Variants in TCTN2 observed in about 807,000 individuals in gnomAD.
The protein encoded by TCTN2 is tectonic-2.
TCTN2 carries 66 observed loss-of-function variants against 83.4 expected under a neutral mutation model. The observed-to-expected ratio is 0.79, with a 90% CI of 0.65 to 0.97. TCTN2 has a LOEUF of 0.97. Among genes scored for constraint, TCTN2 ranks in the 50% least tolerant of loss-of-function variants. TCTN2 has a pLI of 0.00. For synonymous variants in TCTN2, 301 were observed against 326.7 expected (o/e 0.92, Z 0.85); for missense variants, 794 against 858.1 (o/e 0.93, Z 0.93).
intron 6 of TCTN2, among the ~76,000 whole-genome samples, 192 bp from the exon 7 acceptor site, chr12:123,687,859 G>A (rs553362148): frequency 2.6e-5 from 4 of 151,902 alleles, no homozygotes; most frequent in Non-Finnish European, 5.9e-5. Flanking sequence ...GCTTACTCGG[G>A]AGACTGAGGC....
intron 5 of TCTN2, among the ~76,000 whole-genome samples, chr12:123,684,710 T>G (rs888563279): frequency 1.3e-5 from 2 of 152,056 alleles, no homozygotes; most frequent in Admixed American, 1.3e-4. Context: ...AATATTGTGA[T>G]TTTTACACTA....
intron 12 of TCTN2, 79 bp from the exon 13 acceptor site, chr12:123,697,008 G>A: frequency 8.5e-7 from 1 of 1,173,654 alleles, no homozygotes; most frequent in South Asian, 1.2e-5. Flanking sequence ...ACTGTTTTCT[G>A]TTTTTCACGG....
intron 3 of TCTN2, 130 bp downstream of exon 3, chr12:123,672,262 T>A (rs117988962): frequency 0.016 from 13,878 of 893,726 alleles, 155 homozygotes; most frequent in Non-Finnish European, 0.019. Context: ...TGTGGGCTGT[T>A]GGATCTGGTA....
At chr12:123,684,912 T>G (rs530475348) in intron 5 of TCTN2, among the ~76,000 whole-genome samples, 36 of 151,764 alleles carry the variant, frequency 2.4e-4, no homozygotes, top group Admixed American at 1.2e-3. Flanking sequence ...TAGCGGGGTA[T>G]GTTGGTGGGT....
chr12:123,686,298 C>A (rs1238025954), intron 5 of TCTN2, among the ~76,000 whole-genome samples: 1 of 152,154 alleles, frequency 6.6e-6, no homozygotes, highest in East Asian at 1.9e-4. Context: ...CCACCTGCCT[C>A]GGCCTCCCAA....
At chr12:123,680,813 G>A (rs553333018) in intron 5 of TCTN2, among the ~76,000 whole-genome samples, 35 of 151,834 alleles carry the variant, frequency 2.3e-4, no homozygotes, top group Non-Finnish European at 4.1e-4. Flanking sequence ...CACTGCACTG[G>A]GCCTAAATTC....
At chr12:123,691,397 A>C (rs116400687) in intron 8 of TCTN2, among the ~76,000 whole-genome samples, 14 of 152,128 alleles carry the variant, frequency 9.2e-5, no homozygotes, top group Non-Finnish European at 1.8e-4. Context: ...AGAATCATAC[A>C]CTATGTGGCC....
At chr12:123,706,612 C>A (rs533588000) in intron 15 of TCTN2, 114 bp from the exon 16 acceptor site, 2 of 1,532,252 alleles carry the variant, frequency 1.3e-6, no homozygotes, top group Non-Finnish European at 1.8e-6. Flanking sequence ...AGGTAGAATG[C>A]GAAACTTCTT....
chr12:123,692,739 CT>C lies in TCTN2; in HGVS notation c.1099+19del. On this transcript the variant is annotated intron_variant, in intron 9 of 17. Transcript: ENST00000303372. ...ACCAATACAGGTATTTAATGTTACA[CT>C]TTGACGTCATTTCTTCAGAAACAGA... 2 of 1,590,916 alleles carry C rather than the reference CT, an allele frequency of 1.3e-6. No homozygotes were observed. The highest frequency in any genetic ancestry group is 1.7e-6 in the Non-Finnish European group (2 of 1,159,356).
chr12:123,698,268 C>T lies in TCTN2; in HGVS notation c.1505+1070C>T, dbSNP rs1956133498. ...TGTTAGTCAGGCTGGTCTTGAACTC[C>T]TGACCTCAGGTGATCTGCCCTCCTC... On this transcript the variant is annotated intron_variant, in intron 13 of 17. Transcript: ENST00000303372. 2.0e-5 allele frequency among the ~76,000 whole-genome samples: 3 copies of T among 151,964 alleles called. No homozygotes were observed. The East Asian group carries it at 5.8e-4, about 29-fold the overall frequency.
chr12:123,688,142 A>T lies in TCTN2; in HGVS notation c.856A>T (p.Met286Leu), dbSNP rs562351608. The T allele has an allele frequency of 3.1e-6, 5 of 1,612,952 alleles. 1 individual carries two copies. The South Asian group carries it at 5.5e-5, about 18-fold the overall frequency. ...DFGYKQGDPI[M>L]TVKKAYFTIP... ...TGGTTACAAACAAGGAGATCCCATTATGACTGTAAAGAAGGCATATTTTAC... is the reference window on the plus strand; with the variant it reads ...TGGTTACAAACAAGGAGATCCCATTTTGACTGTAAAGAAGGCATATTTTAC... Residue 286 changes from methionine to leucine, a missense_variant, in exon 7 of 18, where the codon ATG (methionine) becomes TTG (leucine). Met to Leu is a conservative substitution (Grantham distance 15). Transcript: ENST00000303372.
In TCTN2 at chr12:123,673,595, C is replaced by T; in HGVS notation, c.268-20C>T. 1 of 1,613,330 alleles carries T rather than the reference C, an allele frequency of 6.2e-7. No homozygotes were observed. The highest frequency in any genetic ancestry group is 8.5e-7 in the Non-Finnish European group (1 of 1,179,290). On this transcript the variant is annotated intron_variant, in intron 3 of 17. Coordinates refer to ENST00000303372, the MANE Select transcript of TCTN2 (RefSeq NM_024809.5). ...CCTGTTTTGAGTCACTTTAAAAATA[C>T]AGCAATGTTTTCCTTTCAGAAGGTG...
chr12:123,695,386 C>A, intron 11 of TCTN2, 89 bp downstream of exon 11: 1 of 890,028 alleles, frequency 1.1e-6, no homozygotes, highest in East Asian at 2.4e-5. Context: ...GTAACTCTCT[C>A]CAATTTAGTT....
chr12:123,691,271 G>C (rs984230889), intron 8 of TCTN2, among the ~76,000 whole-genome samples: 1 of 152,102 alleles, frequency 6.6e-6, no homozygotes, highest in Non-Finnish European at 1.5e-5. Flanking sequence ...CATCGCCTCA[G>C]AAGGGCATCT....
intron 4 of TCTN2, among the ~76,000 whole-genome samples, chr12:123,674,340 G>A (rs1470734743): frequency 2.6e-5 from 4 of 151,588 alleles, no homozygotes; most frequent in African/African-American, 4.8e-5. Context: ...TTGTGATCTC[G>A]GCTCACTGCA....
intron 4 of TCTN2, among the ~76,000 whole-genome samples, chr12:123,677,813 A>G (rs1487152580): frequency 2.0e-5 from 3 of 151,568 alleles, no homozygotes; most frequent in African/African-American, 7.3e-5. Context: ...TTTTTAAAGT[A>G]TAGATGGGGT....
At position 123,696,334 on chromosome 12, in the gene TCTN2, A is replaced by G. The variant is rs1246686052; in HGVS notation, c.1313-81A>G. On this transcript the variant is annotated intron_variant, in intron 11 of 17. Transcript: ENST00000303372. ...GCCTATGTGTTTTCTTTCCTTGTGC[A>G]TGACTCTTGTATTATTTGCAGAGTT... is the stretch of plus-strand genomic sequence containing the variant. The G allele has an allele frequency of 7.7e-6, 9 of 1,167,062 alleles. No homozygotes were observed. The East Asian group carries it at 1.9e-4, about 24-fold the overall frequency. The allele number at this position is 1,167,062 out of a possible 1,614,324, so 72.3% of individuals were successfully genotyped here. A position where few individuals can be genotyped will look rare whatever the true frequency, so the allele number is the denominator to read the frequency against.
chr12:123,690,910 G>A (rs1458336559), intron 8 of TCTN2, among the ~76,000 whole-genome samples: 5 of 152,024 alleles, frequency 3.3e-5, no homozygotes, highest in Admixed American at 1.3e-4. Context: ...TCTCCGTCAC[G>A]CAGGTTGGAG....
intron 4 of TCTN2, among the ~76,000 whole-genome samples, chr12:123,677,742 C>A (rs936812150): frequency 1.3e-5 from 2 of 152,162 alleles, no homozygotes; most frequent in South Asian, 2.1e-4. Context: ...TCATCCACCC[C>A]CTCTGTCTTC....
Sources: allele counts gnomAD v4.1 joint callset (sites outside exome capture counted in the v4.1 genomes callset), GRCh38; gene constraint gnomAD v4.1.1; transcripts MANE v1.5; gene names NCBI Gene and HGNC (gene_info 2026-07-23, HGNC 2026-07-21).